Variants in TTLL11 observed in about 807,000 individuals in gnomAD.
TTLL11 encodes the protein tubulin polyglutamylase TTLL11.
In TTLL11, 42 loss-of-function variants were observed where a neutral mutation model predicts 51.7. The ratio of observed to expected loss-of-function variants is 0.81; its 90% CI spans 0.64 to 1.05. The LOEUF (loss-of-function observed/expected upper bound fraction) is 1.05, where lower values mean the gene tolerates loss of function less well. Ranked by LOEUF, TTLL11 falls within the 50% of genes least tolerant of loss-of-function variation. The probability of loss-of-function intolerance (pLI) is 0.00; values close to 1 mark genes in which losing one functional copy is unlikely to be tolerated. For missense variants in TTLL11, 799 were observed against 940.4 expected (o/e 0.85, Z 1.97); for synonymous variants, 381 against 383.5 (o/e 0.99, Z 0.08).
intron 6 of TTLL11, among the ~76,000 whole-genome samples, chr9:121,970,618 T>C (rs1039339545): frequency 5.3e-5 from 8 of 152,182 alleles, no homozygotes; most frequent in African/African-American, 1.9e-4. Context: ...TCACTGGTCA[T>C]TAGAGAAATG....
chr9:121,917,969 A>AT (rs11337199), intron 6 of TTLL11, among the ~76,000 whole-genome samples: 530 of 148,012 alleles, frequency 3.6e-3, no homozygotes, highest in African/African-American at 4.3e-3. Flanking sequence ...AAAAGTAGGC[A>AT]TTTTTTTTTT....
At chr9:122,059,675 G>T (rs1290101445) in intron 1 of TTLL11, among the ~76,000 whole-genome samples, 2 of 152,190 alleles carry the variant, frequency 1.3e-5, no homozygotes, top group Non-Finnish European at 2.9e-5. Flanking sequence ...CAAATGTGGT[G>T]CCTGAAGACA....
intron 6 of TTLL11, among the ~76,000 whole-genome samples, chr9:121,941,679 G>C (rs543180543): frequency 2.6e-5 from 4 of 152,128 alleles, no homozygotes; most frequent in Admixed American, 6.5e-5. Context: ...CAGTGCTTTT[G>C]TTCAGAGGGC....
At chr9:121,871,336 C>T (rs928217053) in intron 6 of TTLL11, among the ~76,000 whole-genome samples, 1 of 152,004 alleles carries the variant, frequency 6.6e-6, no homozygotes, top group Non-Finnish European at 1.5e-5. Context: ...CAGCTAATAA[C>T]TCTTAAATAT....
At chr9:121,887,656 G>C (rs919401914) in intron 6 of TTLL11, among the ~76,000 whole-genome samples, 1 of 152,240 alleles carries the variant, frequency 6.6e-6, no homozygotes, top group South Asian at 2.1e-4. Flanking sequence ...TAGAGAGACG[G>C]CCAGAAGGCC....
intron 2 of TTLL11, 31 bp downstream of exon 2, chr9:122,039,241 A>G: frequency 6.3e-7 from 1 of 1,579,864 alleles, no homozygotes; most frequent in Non-Finnish European, 8.7e-7. Context: ...CCCTAGAAAC[A>G]TGTTTAAATG....
intron 1 of TTLL11, among the ~76,000 whole-genome samples, chr9:122,086,745 A>G (rs1447158412): frequency 1.3e-5 from 2 of 152,206 alleles, no homozygotes; most frequent in Admixed American, 6.5e-5. Flanking sequence ...TATTTGCATT[A>G]TTGCTCTCCT....
At chr9:121,868,477 T>C (rs1054216216) in intron 7 of TTLL11, among the ~76,000 whole-genome samples, 4 of 152,230 alleles carry the variant, frequency 2.6e-5, no homozygotes, top group Non-Finnish European at 5.9e-5. Flanking sequence ...AGGGATCTAA[T>C]TCATGTGTGG....
At chr9:121,968,148 C>T (rs1842458926) in intron 6 of TTLL11, among the ~76,000 whole-genome samples, 1 of 152,200 alleles carries the variant, frequency 6.6e-6, no homozygotes, top group Admixed American at 6.5e-5. Flanking sequence ...ATTTTACCTC[C>T]ATTTATATAA....
At chr9:121,897,367 C>G (rs925680688) in intron 6 of TTLL11, among the ~76,000 whole-genome samples, 8 of 152,112 alleles carry the variant, frequency 5.3e-5, no homozygotes, top group South Asian at 4.1e-4. Context: ...CAGCCTGAGC[C>G]GCTCTTCGTT....
rs2131725446 is a variant in TTLL11 at position 122,001,662 on chromosome 9, A to G, written c.694-11892T>C. Among the ~76,000 whole-genome samples the G allele has an allele frequency of 2.0e-5, 3 of 152,226 alleles. No homozygotes were observed. The South Asian group carries it at 6.2e-4, about 32-fold the overall frequency. On this transcript the variant is annotated intron_variant, in intron 3 of 8. Coordinates refer to ENST00000321582, the MANE Select transcript of TTLL11 (RefSeq NM_001139442.2). ...AGGGTGGGCAGAGACAGCAGTGCAG[A>G]GCTGGTGCTTCTGGGCAACAGCTCT...
At chr9:121,974,200 G>A in intron 5 of TTLL11, 76 bp from the exon 6 acceptor site, 3 of 1,012,288 alleles carry the variant, frequency 3.0e-6, no homozygotes, top group Non-Finnish European at 4.3e-6. Flanking sequence ...TAGCTCCAGG[G>A]GTTATACTAG....
At position 122,039,262 on chromosome 9, in the gene TTLL11, C is replaced by T. The variant is rs777411193; in HGVS notation, c.559+10G>A. On this transcript the variant is annotated intron_variant, in intron 2 of 8. Coordinates refer to ENST00000321582, the MANE Select transcript of TTLL11 (RefSeq NM_001139442.2). ...AAACATGTTTAAATGTCAACAATAACAGCAGATACCTGGAAACTTGTTCAC... is the reference window on the plus strand; with the variant it reads ...AAACATGTTTAAATGTCAACAATAATAGCAGATACCTGGAAACTTGTTCAC... The T allele has an allele frequency of 1.2e-6, 2 of 1,610,624 alleles. No individual in the cohort carries two copies. The highest frequency in any genetic ancestry group is 1.7e-6 in the Non-Finnish European group (2 of 1,177,058).
At chr9:121,895,694 T>G (rs1839462491) in intron 6 of TTLL11, among the ~76,000 whole-genome samples, 1 of 146,358 alleles carries the variant, frequency 6.8e-6, no homozygotes, top group Non-Finnish European at 1.5e-5. Context: ...TGTGAATGTG[T>G]GATTGTGTGG....
intron 6 of TTLL11, among the ~76,000 whole-genome samples, chr9:121,940,645 T>A (rs1305177824): frequency 6.6e-6 from 1 of 152,008 alleles, no homozygotes; most frequent in Non-Finnish European, 1.5e-5. Context: ...GCCGACTTTC[T>A]CTCTCTTGAT....
chr9:121,852,105 C>T (rs1213237900), intron 8 of TTLL11, among the ~76,000 whole-genome samples: 1 of 152,210 alleles, frequency 6.6e-6, no homozygotes, highest in African/African-American at 2.4e-5. Context: ...GCCCTCTGAG[C>T]CTTGGTTTCC....
rs887553042 is a variant in TTLL11 at position 121,928,400 on chromosome 9, A to G, written c.1481+45609T>C. On this transcript the variant is annotated intron_variant, in intron 6 of 8. Transcript: ENST00000321582. ...TAAAACACATATCCATCACCTCTAA[A>G]AGTTTCCTCCTGCCCCTTTGAGTTA... is the stretch of plus-strand genomic sequence containing the variant. Among the ~76,000 whole-genome samples the G allele has an allele frequency of 2.0e-5, 3 of 151,938 alleles. No individual in the cohort carries two copies. The East Asian group carries it at 5.8e-4, about 29-fold the overall frequency.
Position 122,092,870 on chromosome 9 carries a change from CG to C in TTLL11, c.278del (p.Pro93ArgfsTer51). The C allele has an allele frequency of 6.4e-7, 1 of 1,571,292 alleles. No individual in the cohort carries two copies. Among genetic ancestry groups the C allele is most frequent in the Non-Finnish European group, 8.6e-7 (1 of 1,166,144 alleles). ...GCGGGCAGAGGCCCTGCACCGGCTT[CG>C]GCTTGGACGGGGGCAGCGTGGGCGG... Reference protein sequence around the residue: ...RPPPTLPPSKPKPVQGLCPHG... With the variant: ...RPPPTLPPSKXKPVQGLCPHG... On this transcript the variant is annotated frameshift_variant, in exon 1 of 9. Coordinates refer to ENST00000321582, the MANE Select transcript of TTLL11 (RefSeq NM_001139442.2). LOFTEE classifies it high-confidence loss of function.
rs1564256417 is a variant in TTLL11 at position 121,819,868 on chromosome 9, T to C, written c.*2719A>G. Among the ~76,000 whole-genome samples the C allele has an allele frequency of 6.6e-6, 1 of 152,160 alleles. No homozygotes were observed. The highest frequency in any genetic ancestry group is 6.5e-5 in the Admixed American group (1 of 15,288). On this transcript the variant is annotated 3_prime_UTR_variant, in exon 9 of 9. Transcript: ENST00000321582. Reference sequence around the variant, plus strand: ...ACACAGTGGTGCTTCTTATTAGGAATGGAGGAGGCGGGGTGATTCAGTTAT... The same window carrying C: ...ACACAGTGGTGCTTCTTATTAGGAACGGAGGAGGCGGGGTGATTCAGTTAT...
Sources: gnomAD v4.1 joint callset for allele counts (sites outside exome capture counted in the v4.1 genomes callset) on GRCh38, gnomAD v4.1.1 for gene constraint, MANE v1.5 for transcripts, NCBI Gene and HGNC (gene_info 2026-07-23, HGNC 2026-07-21) for gene names.